Variants in ZNF169 observed in about 807,000 individuals in gnomAD.
ZNF169 encodes the protein zinc finger protein 169.
In ZNF169, 11 loss-of-function variants were observed where a neutral mutation model predicts 12.0. The observed-to-expected ratio is 0.92, with a 90% CI of 0.58 to 1.52. The LOEUF is 1.52. ZNF169 is among the 40% of genes most tolerant of loss of function. The probability of loss-of-function intolerance (pLI) is 0.00; values close to 1 mark genes in which losing one functional copy is unlikely to be tolerated. For missense variants in ZNF169, 722 were observed against 744.0 expected, an observed-to-expected ratio of 0.97 and a Z score of 0.34; for synonymous variants, 302 against 286.5, an observed-to-expected ratio of 1.05 and a Z score of -0.55.
chr9:94,267,395 T>G (rs919416074), intron 1 of ZNF169, among the ~76,000 whole-genome samples: 10 of 152,314 alleles, frequency 6.6e-5, no homozygotes, highest in Non-Finnish European at 1.5e-4. Flanking sequence ...AGTTAAAGCC[T>G]TGGTAAAACA....
At chr9:94,274,287 A>C (rs1370264981) in intron 1 of ZNF169, among the ~76,000 whole-genome samples, 1 of 152,172 alleles carries the variant, frequency 6.6e-6, no homozygotes, top group African/African-American at 2.4e-5. Flanking sequence ...CGAATATGGG[A>C]GACAAGGAAT....
At chr9:94,265,571 C>A (rs1016003947) in intron 1 of ZNF169, among the ~76,000 whole-genome samples, 6 of 138,964 alleles carry the variant, frequency 4.3e-5, no homozygotes, top group African/African-American at 1.5e-4. Flanking sequence ...CAGAGCGAGA[C>A]TCTGTCTCAA....
chr9:94,291,659 CAT>C (rs762072425), intron 2 of ZNF169, among the ~76,000 whole-genome samples: 1 of 152,082 alleles, frequency 6.6e-6, no homozygotes, highest in African/African-American at 2.4e-5. Context: ...ACAATTGTAT[CAT>C]ATGTCATAGC....
At chr9:94,265,847 G>C (rs10993124) in intron 1 of ZNF169, among the ~76,000 whole-genome samples, 70,817 of 151,628 alleles carry the variant, frequency 0.47, 16,679 homozygotes, top group Admixed American at 0.54. Context: ...ACTTGTTTGT[G>C]GAGACCTAGG....
intron 2 of ZNF169, among the ~76,000 whole-genome samples, chr9:94,285,992 C>G (rs926350176): frequency 2.0e-5 from 3 of 151,914 alleles, no homozygotes; most frequent in Admixed American, 6.6e-5. Context: ...GCCTGGGCAA[C>G]AAGAGCGAAA....
chr9:94,282,808 G>A (rs569133399), intron 2 of ZNF169, among the ~76,000 whole-genome samples: 5 of 152,096 alleles, frequency 3.3e-5, no homozygotes, highest in Middle Eastern at 3.4e-3. Flanking sequence ...GTTTATTTAG[G>A]GGTTCACTCC....
intron 1 of ZNF169, among the ~76,000 whole-genome samples, chr9:94,265,645 T>A (rs1251506159): frequency 6.6e-6 from 1 of 151,972 alleles, no homozygotes; most frequent in Non-Finnish European, 1.5e-5. Context: ...TATGTGTAAG[T>A]GTGCTTTCAT....
chr9:94,282,810 G>T (rs1033446476), intron 2 of ZNF169, among the ~76,000 whole-genome samples: 5 of 152,040 alleles, frequency 3.3e-5, no homozygotes, highest in African/African-American at 1.2e-4. Flanking sequence ...TTATTTAGGG[G>T]TTCACTCCTC....
At chr9:94,293,485 C>T (rs988686298) in intron 4 of ZNF169, 19 of 393,468 alleles carry the variant, frequency 4.8e-5, no homozygotes, top group African/African-American at 3.3e-4. Context: ...GGCATGATCT[C>T]GGCTCACTGC....
intron 1 of ZNF169, among the ~76,000 whole-genome samples, chr9:94,268,997 A>G (rs1830342827): frequency 1.3e-5 from 2 of 151,988 alleles, no homozygotes; most frequent in South Asian, 4.1e-4. Context: ...ACATACACAC[A>G]TGCACACATA....
chr9:94,288,437 A>G, intron 2 of ZNF169: 4 of 1,146,508 alleles, frequency 3.5e-6, no homozygotes, highest in Non-Finnish European at 5.2e-6. Flanking sequence ...GTAAATTCCA[A>G]TCCATTCTTC....
intron 2 of ZNF169, among the ~76,000 whole-genome samples, chr9:94,289,618 C>T (rs1158931400): frequency 6.6e-6 from 1 of 152,040 alleles, no homozygotes; most frequent in Non-Finnish European, 1.5e-5. Context: ...GACGAAACCC[C>T]GTCTCTACTA....
chr9:94,268,776 A>G lies in ZNF169; in HGVS notation c.-56+9431A>G, dbSNP rs550307979. Among the ~76,000 whole-genome samples the G allele has an allele frequency of 2.4e-5, 3 of 125,862 alleles. No individual in the cohort carries two copies. The South Asian group carries it at 8.1e-4, about 34-fold the overall frequency. 82.6% of individuals were successfully genotyped at this position (125,862 alleles called of 152,430 possible). A position where few individuals can be genotyped will look rare whatever the true frequency, so the allele number is the denominator to read the frequency against. Reference sequence around the variant, plus strand: ...ACTCCAGCCTGGGTGACAAAGTGAGACTCCATTTCAAAAAAAAAAAAAAAA... The same window carrying G: ...ACTCCAGCCTGGGTGACAAAGTGAGGCTCCATTTCAAAAAAAAAAAAAAAA... On this transcript the variant is annotated intron_variant, in intron 1 of 4. Transcript: ENST00000395395.
chr9:94,260,572 G>A (rs1452708007), intron 1 of ZNF169, among the ~76,000 whole-genome samples: 2 of 152,154 alleles, frequency 1.3e-5, no homozygotes, highest in African/African-American at 4.8e-5. Flanking sequence ...GGGCTTGCCT[G>A]GAGTTAGACA....
intron 1 of ZNF169, among the ~76,000 whole-genome samples, chr9:94,272,145 T>C (rs1564084280): frequency 1.3e-5 from 2 of 152,130 alleles, no homozygotes; most frequent in Non-Finnish European, 2.9e-5. Flanking sequence ...TTAATGTATG[T>C]AGGATCTGTA....
At chr9:94,263,270 A>C (rs1274295317) in intron 1 of ZNF169, among the ~76,000 whole-genome samples, 1 of 152,172 alleles carries the variant, frequency 6.6e-6, no homozygotes, top group Non-Finnish European at 1.5e-5. Context: ...TGTTATTATA[A>C]GGTGCATACA....
chr9:94,278,894 T>C (rs1026832696), intron 2 of ZNF169, 49 bp downstream of exon 2: 2 of 1,602,926 alleles, frequency 1.2e-6, no homozygotes, highest in African/African-American at 1.3e-5. Context: ...TTTCATAATC[T>C]TTTCTTGTCC....
chr9:94,285,095 T>C (rs1587681749), intron 2 of ZNF169, among the ~76,000 whole-genome samples: 1 of 152,144 alleles, frequency 6.6e-6, no homozygotes, highest in East Asian at 1.9e-4. Context: ...ATATGGTCAA[T>C]TGATTTTTTT....
intron 1 of ZNF169, among the ~76,000 whole-genome samples, chr9:94,275,985 G>C (rs1226159141): frequency 6.6e-6 from 1 of 151,866 alleles, no homozygotes; most frequent in Non-Finnish European, 1.5e-5. Flanking sequence ...TGTTGGCCAG[G>C]CTGGCCTCGA....
Sources: allele counts gnomAD v4.1 joint callset (sites outside exome capture counted in the v4.1 genomes callset), GRCh38; gene constraint gnomAD v4.1.1; transcripts MANE v1.5; gene names NCBI Gene and HGNC (gene_info 2026-07-23, HGNC 2026-07-21).